The following ARHGEF6 variants were observed in gnomAD, a reference collection of about 807,000 sequenced individuals.
The protein encoded by ARHGEF6 is Rac/Cdc42 guanine nucleotide exchange factor 6.
In ARHGEF6, 9 loss-of-function variants were observed where a neutral mutation model predicts 70.3. The ratio of observed to expected loss-of-function variants is 0.13; its 90% CI spans 0.08 to 0.22. The LOEUF (loss-of-function observed/expected upper bound fraction) is 0.22. Among genes scored for constraint, ARHGEF6 ranks in the 10% least tolerant of loss-of-function variants. The pLI, the probability that ARHGEF6 is intolerant of heterozygous loss-of-function variation, is 1.00. For missense variants in ARHGEF6, 470 were observed against 563.0 expected, an observed-to-expected ratio of 0.83 and a Z score of 1.67; for synonymous variants, 201 against 207.8, an observed-to-expected ratio of 0.97 and a Z score of 0.28.
chrX:136,762,064 G>A (rs1018259368), intron 2 of ARHGEF6, among the ~76,000 whole-genome samples: 1 of 111,211 alleles, frequency 9.0e-6, no homozygotes, highest in Non-Finnish European at 1.9e-5. Flanking sequence ...ACAGGCACCC[G>A]CCATCATGCT....
chrX:136,727,335 T>TTC (rs2076867080), intron 6 of ARHGEF6, among the ~76,000 whole-genome samples: 1 of 34,774 alleles, frequency 2.9e-5, no homozygotes, highest in South Asian at 2.2e-3. Context: ...TTTTCTTTCT[T>TTC]TCTTTCTTTC....
chrX:136,730,741 A>G (rs778564311), intron 6 of ARHGEF6, among the ~76,000 whole-genome samples: 3 of 112,225 alleles, frequency 2.7e-5, no homozygotes, highest in Non-Finnish European at 5.6e-5. Flanking sequence ...CACGTCTTCC[A>G]ACAGGAGGTG....
chrX:136,745,172 A>G, intron 4 of ARHGEF6, 51 bp downstream of exon 4: 1 of 1,201,287 alleles, frequency 8.3e-7, no homozygotes. Flanking sequence ...TAGGATATCA[A>G]TCTAATTTTA....
At chrX:136,770,724 C>T (rs1163462255) in intron 2 of ARHGEF6, among the ~76,000 whole-genome samples, 2 of 112,657 alleles carry the variant, frequency 1.8e-5, no homozygotes, top group Non-Finnish European at 3.8e-5. Flanking sequence ...GGGCAGGCAC[C>T]GTGGCTCACA....
At chrX:136,779,845 C>T in intron 1 of ARHGEF6, among the ~76,000 whole-genome samples, 1 of 111,708 alleles carries the variant, frequency 9.0e-6, no homozygotes, top group Non-Finnish European at 1.9e-5. Flanking sequence ...CCTCTCTCTC[C>T]TCCTTCCCCC....
At chrX:136,715,536 C>T (rs2076728493) in intron 6 of ARHGEF6, among the ~76,000 whole-genome samples, 1 of 110,638 alleles carries the variant, frequency 9.0e-6, no homozygotes, top group South Asian at 3.8e-4. Context: ...ACAGGGAAAA[C>T]TGCTACTCCA....
At chrX:136,696,965 C>A (rs1179353633) in intron 9 of ARHGEF6, among the ~76,000 whole-genome samples, 1 of 111,238 alleles carries the variant, frequency 9.0e-6, no homozygotes, top group Non-Finnish European at 1.9e-5. Flanking sequence ...GTAAGTGTGC[C>A]TGAGAGGTCG....
intron 5 of ARHGEF6, among the ~76,000 whole-genome samples, chrX:136,736,001 T>G (rs1003524331): frequency 8.9e-6 from 1 of 112,141 alleles, no homozygotes; most frequent in African/African-American, 3.2e-5. Flanking sequence ...GAAGAAGGAT[T>G]TGATGCCCTC....
At position 136,679,553 on chromosome X, in the gene ARHGEF6, T is replaced by G. The variant is rs2052122208; in HGVS notation, c.1812A>C (p.Ala604=). Residue 604 remains alanine (A), a synonymous_variant, in exon 16 of 22, where the codon GCA becomes GCC. Coordinates refer to ENST00000250617, the MANE Select transcript of ARHGEF6 (RefSeq NM_004840.3). ...LRPAPPLRPS[A]ALGYKERMSY... is the part of the protein sequence containing the mutation. ...AAATTACCTCTTTATAACCTAGTGC[T>G]GCTGATGGTCTAAGTGGAGGTGCAG... is the stretch of plus-strand genomic sequence containing the variant. The G allele has an allele frequency of 2.5e-6, 3 of 1,210,019 alleles. No homozygotes were observed. Among genetic ancestry groups the G allele is most frequent in the African/African-American group, 1.7e-5 (1 of 57,245 alleles).
intron 6 of ARHGEF6, among the ~76,000 whole-genome samples, chrX:136,717,462 G>C (rs775948434): frequency 7.3e-4 from 82 of 111,806 alleles, no homozygotes; most frequent in Middle Eastern, 4.6e-3. Context: ...TGCAAGAAAT[G>C]TTAAAAGAAG....
At chrX:136,728,462 G>A (rs1467621030) in intron 6 of ARHGEF6, among the ~76,000 whole-genome samples, 2 of 109,304 alleles carry the variant, frequency 1.8e-5, no homozygotes, top group African/African-American at 6.7e-5. Context: ...TAATCCCTTA[G>A]AAACTTGAAA....
Position 136,706,928 on chromosome X carries a change from T to A in ARHGEF6, c.1026A>T (p.Val342=). 1 of 1,211,974 alleles carries A rather than the reference T, an allele frequency of 8.3e-7. No homozygotes were observed. Among genetic ancestry groups the A allele is most frequent in the East Asian group, 3.0e-5 (1 of 33,863 alleles). The change falls in exon 9 of 22, where the codon GTA becomes GTT. Residue 342 remains valine (V), a synonymous_variant. Coordinates refer to ENST00000250617, the MANE Select transcript of ARHGEF6 (RefSeq NM_004840.3). ...TTTACCTGTGCTGAGTGAGCACATT[T>A]ACAGCTGAAGGATGGTTTGCACAGT... The part of the protein sequence containing the change: ...LAYCANHPSA[V]NVLTQHSDEL...
chrX:136,755,131 T>A (rs1176195497), intron 2 of ARHGEF6, among the ~76,000 whole-genome samples: 1 of 112,282 alleles, frequency 8.9e-6, no homozygotes, highest in Non-Finnish European at 1.9e-5. Flanking sequence ...GAGCCTTGTT[T>A]CTATGGGAAA....
At chrX:136,749,021 T>C (rs1044133481) in intron 2 of ARHGEF6, among the ~76,000 whole-genome samples, 2 of 112,102 alleles carry the variant, frequency 1.8e-5, no homozygotes, top group Non-Finnish European at 3.8e-5. Context: ...GCATTCAAAG[T>C]TAAAATGACC....
In ARHGEF6 at chrX:136,668,066, C is replaced by T. The variant is rs368151602; in HGVS notation, c.2294G>A (p.Arg765Gln). 5.8e-6 allele frequency: 7 copies of T among 1,210,176 alleles called. No homozygotes were observed. The highest frequency in any genetic ancestry group is 6.7e-6 in the Non-Finnish European group (6 of 895,258). Residue 765 changes from arginine (R) to glutamine (Q), a missense_variant, in exon 22 of 22, where the codon CGA (arginine) becomes CAA (glutamine). Physicochemically the swap from Arg to Gln is conservative, Grantham distance 43 (BLOSUM62 1). Around this residue, in one of 3 missense-constraint regions of ARHGEF6, gnomAD observed 88 missense variants for 95.5 expected, o/e 0.92. Transcript: ENST00000250617. ...RLLKQTDECI[R>Q]GESSSKTSIL... ...TGAGGTCTTGCTACTGGACTCGCCT[C>T]GAATACACTCATCTGTTTGCTTCAA...
chrX:136,679,789 CAA>C (rs1407373670), intron 15 of ARHGEF6, 129 bp from the exon 16 acceptor site: 1 of 864,010 alleles, frequency 1.2e-6, no homozygotes, highest in Admixed American at 2.5e-5. Flanking sequence ...GATGGAAAAA[CAA>C]AAGTCTCTAG....
chrX:136,668,530 CTTCTTATTA>C (rs1181690384), intron 21 of ARHGEF6, among the ~76,000 whole-genome samples: 2 of 99,987 alleles, frequency 2.0e-5, no homozygotes, highest in African/African-American at 4.1e-5. Flanking sequence ...TCTTCTTCTT[CTTCTTATTA>C]TTATTATTAT....
intron 9 of ARHGEF6, among the ~76,000 whole-genome samples, chrX:136,697,327 C>T (rs1198765381): frequency 8.9e-6 from 1 of 111,855 alleles, no homozygotes; most frequent in Non-Finnish European, 1.9e-5. Context: ...AAAAAGCTAA[C>T]CCATAGGCCA....
intron 12 of ARHGEF6, among the ~76,000 whole-genome samples, chrX:136,685,186 C>A (rs1463693621): frequency 2.7e-5 from 3 of 111,524 alleles, no homozygotes; most frequent in African/African-American, 9.8e-5. Flanking sequence ...GCGAAATCCT[C>A]CCCTTTTGTT....
Sources: allele counts gnomAD v4.1 joint callset (sites outside exome capture counted in the v4.1 genomes callset), GRCh38; gene constraint gnomAD v4.1.1; regional missense constraint gnomAD v4.1.1; transcripts MANE v1.5; gene names NCBI Gene and HGNC (gene_info 2026-07-23, HGNC 2026-07-21).